PTPRM: variants seen among roughly 807,000 people sequenced by gnomAD.
PTPRM encodes receptor-type tyrosine-protein phosphatase mu.
PTPRM carries 47 observed loss-of-function variants against 186.7 expected under a neutral mutation model. The observed-to-expected ratio is 0.25, with a 90% CI of 0.20 to 0.32. The LOEUF is 0.32. PTPRM is among the 10% of genes least tolerant of loss of function. The probability of loss-of-function intolerance (pLI) is 1.00; values close to 1 mark genes in which losing one functional copy is unlikely to be tolerated. For missense variants in PTPRM, 1,494 were observed against 1,865.0 expected (o/e 0.80, Z 3.66); for synonymous variants, 668 against 674.9 (o/e 0.99, Z 0.16).
At chr18:7,716,594 G>A (rs185320531) in intron 1 of PTPRM, among the ~76,000 whole-genome samples, 1 of 152,126 alleles carries the variant, frequency 6.6e-6, no homozygotes, top group Non-Finnish European at 1.5e-5. Flanking sequence ...ATCTGACAAA[G>A]GGCTAATATC....
At chr18:7,690,709 G>C (rs986513344) in intron 1 of PTPRM, among the ~76,000 whole-genome samples, 2 of 152,200 alleles carry the variant, frequency 1.3e-5, no homozygotes, top group African/African-American at 4.8e-5. Context: ...ATGTCTGCAA[G>C]TGATATAGTT....
chr18:7,750,065 G>C (rs1252782395), intron 1 of PTPRM, among the ~76,000 whole-genome samples: 1 of 152,126 alleles, frequency 6.6e-6, no homozygotes, highest in Admixed American at 6.5e-5. Flanking sequence ...TACTTGATAA[G>C]GGTTTCCATA....
intron 14 of PTPRM, among the ~76,000 whole-genome samples, chr18:8,219,843 G>A (rs996390042): frequency 1.3e-5 from 2 of 152,170 alleles, no homozygotes; most frequent in African/African-American, 4.8e-5. Context: ...GTGGCTTGCA[G>A]GCATGACTTA....
chr18:7,770,584 ATC>A (rs1428239715), intron 1 of PTPRM, among the ~76,000 whole-genome samples: 1 of 152,184 alleles, frequency 6.6e-6, no homozygotes, highest in Non-Finnish European at 1.5e-5. Flanking sequence ...GGTACATGTT[ATC>A]TCTGTTTTTT....
chr18:8,194,650 G>A (rs115644773), intron 14 of PTPRM, among the ~76,000 whole-genome samples: 290 of 152,316 alleles, frequency 1.9e-3, no homozygotes, highest in African/African-American at 6.9e-3. Context: ...TAGGCAGCCT[G>A]GAAATAACAT....
intron 1 of PTPRM, among the ~76,000 whole-genome samples, chr18:7,679,309 A>G (rs1353437497): frequency 6.6e-6 from 1 of 152,120 alleles, no homozygotes; most frequent in Non-Finnish European, 1.5e-5. Context: ...GGCATTTCAC[A>G]TGTTTCCAGG....
At chr18:7,854,659 G>A (rs967286647) in intron 2 of PTPRM, among the ~76,000 whole-genome samples, 1 of 151,542 alleles carries the variant, frequency 6.6e-6, no homozygotes, top group Non-Finnish European at 1.5e-5. Flanking sequence ...GATCACCTCT[G>A]AGGCATGAAA....
At chr18:8,192,630 A>G (rs1253289414) in intron 14 of PTPRM, among the ~76,000 whole-genome samples, 1 of 152,220 alleles carries the variant, frequency 6.6e-6, no homozygotes, top group Non-Finnish European at 1.5e-5. Context: ...GAAAATAAAT[A>G]GAAAGGATGG....
At chr18:8,117,229 A>C (rs1270879408) in intron 13 of PTPRM, among the ~76,000 whole-genome samples, 1 of 152,232 alleles carries the variant, frequency 6.6e-6, no homozygotes. Context: ...AACTGTTGAT[A>C]CCACAGAGTA....
chr18:8,103,973 C>G (rs1170464005), intron 11 of PTPRM, among the ~76,000 whole-genome samples: 1 of 151,464 alleles, frequency 6.6e-6, no homozygotes, highest in African/African-American at 2.4e-5. Flanking sequence ...TAGGGAGGCC[C>G]AGTGCCAGGG....
chr18:8,249,415 A>G (rs2147352749), intron 17 of PTPRM, among the ~76,000 whole-genome samples: 1 of 152,278 alleles, frequency 6.6e-6, no homozygotes, highest in South Asian at 2.1e-4. Flanking sequence ...CTGCCCACAC[A>G]CTTTTAATAC....
At chr18:7,574,044 A>G (rs2036626665) in intron 1 of PTPRM, among the ~76,000 whole-genome samples, 1 of 152,186 alleles carries the variant, frequency 6.6e-6, no homozygotes, top group Admixed American at 6.5e-5. Flanking sequence ...TGGGATTCTG[A>G]TGTGACCTGA....
chr18:7,931,783 A>G (rs1406647270), intron 5 of PTPRM, among the ~76,000 whole-genome samples: 1 of 152,240 alleles, frequency 6.6e-6, no homozygotes, highest in Non-Finnish European at 1.5e-5. Context: ...GTATGGTTGT[A>G]TTAAAACCTT....
intron 1 of PTPRM, among the ~76,000 whole-genome samples, chr18:7,637,902 A>T (rs1276506920): frequency 6.6e-6 from 1 of 152,214 alleles, no homozygotes; most frequent in Non-Finnish European, 1.5e-5. Flanking sequence ...CAAAAATGTA[A>T]CTTTGTATTT....
chr18:7,920,321 TTTG>T (rs1476832389), intron 4 of PTPRM, among the ~76,000 whole-genome samples: 1 of 152,178 alleles, frequency 6.6e-6, no homozygotes, highest in East Asian at 1.9e-4. Context: ...CGTGTTTTAA[TTTG>T]TTGTTTTTCA....
intron 7 of PTPRM, among the ~76,000 whole-genome samples, chr18:8,066,382 G>A (rs113529975): frequency 9.2e-5 from 14 of 152,148 alleles, no homozygotes; most frequent in South Asian, 6.2e-4. Context: ...TTAACTTTGC[G>A]TTTGGACCCT....
At chr18:8,264,468 C>T (rs1318717010) in intron 19 of PTPRM, among the ~76,000 whole-genome samples, 1 of 151,910 alleles carries the variant, frequency 6.6e-6, no homozygotes, top group Non-Finnish European at 1.5e-5. Flanking sequence ...ACTATATCGG[C>T]ACTGTACAAA....
intron 2 of PTPRM, among the ~76,000 whole-genome samples, chr18:7,842,910 ATGTG>A (rs1285423674): frequency 1.9e-5 from 2 of 107,030 alleles, no homozygotes; most frequent in Non-Finnish European, 3.4e-5. Context: ...TGTTTCTCAT[ATGTG>A]TGTGTGTGTG....
chr18:7,889,029 G>C (rs987531750), intron 3 of PTPRM, among the ~76,000 whole-genome samples: 1 of 152,008 alleles, frequency 6.6e-6, no homozygotes, highest in African/African-American at 2.4e-5. Flanking sequence ...CCTGGGTGAC[G>C]GGATTAATCA....
Sources: gnomAD v4.1 joint callset for allele counts (sites outside exome capture counted in the v4.1 genomes callset) on GRCh38, gnomAD v4.1.1 for gene constraint, MANE v1.5 for transcripts, NCBI Gene and HGNC (gene_info 2026-07-23, HGNC 2026-07-21) for gene names.